Variants in UBE2D2 observed in about 807,000 individuals in gnomAD.
UBE2D2 encodes the protein ubiquitin conjugating enzyme E2 D2.
Under a neutral mutation model 24.2 loss-of-function variants are expected in UBE2D2, and 2 were observed. The ratio of observed to expected loss-of-function variants is 0.08; its 90% CI spans 0.03 to 0.26. The LOEUF (loss-of-function observed/expected upper bound fraction) is 0.26. UBE2D2 is among the 10% of genes least tolerant of loss of function. The pLI is 1.00. For missense variants in UBE2D2, 44 were observed against 177.6 expected (o/e 0.25, Z 4.28); for synonymous variants, 58 against 56.5 (o/e 1.03, Z -0.12).
At chr5:139,532,725 G>T (rs1752612126) in intron 1 of UBE2D2, among the ~76,000 whole-genome samples, 1 of 152,028 alleles carries the variant, frequency 6.6e-6, no homozygotes, top group Admixed American at 6.6e-5. Flanking sequence ...GACCTCAACG[G>T]ATCAGCCTGC....
intron 1 of UBE2D2, among the ~76,000 whole-genome samples, chr5:139,585,959 A>AAG (rs1554078563): frequency 6.6e-6 from 1 of 150,524 alleles, no homozygotes; most frequent in Non-Finnish European, 1.5e-5. Flanking sequence ...AAAAAAAAAA[A>AAG]AAGAAGAAAG....
At chr5:139,551,071 G>C (rs947238169) in intron 1 of UBE2D2, among the ~76,000 whole-genome samples, 3 of 152,228 alleles carry the variant, frequency 2.0e-5, no homozygotes, top group African/African-American at 4.8e-5. Context: ...GGCGGGGGAG[G>C]GGGGAGGTCA....
At chr5:139,615,411 G>C (rs1052823847) in intron 5 of UBE2D2, among the ~76,000 whole-genome samples, 2 of 152,124 alleles carry the variant, frequency 1.3e-5, no homozygotes, top group Admixed American at 6.5e-5. Context: ...TGTGAACCCG[G>C]GAGGCAGAGG....
At chr5:139,540,470 C>T (rs538154995) in intron 1 of UBE2D2, among the ~76,000 whole-genome samples, 116 of 144,060 alleles carry the variant, frequency 8.1e-4, no homozygotes, top group African/African-American at 2.8e-3. Context: ...GGCGTGAACC[C>T]GGGAGGTGGA....
chr5:139,537,075 C>T (rs1203454892), intron 1 of UBE2D2, among the ~76,000 whole-genome samples: 2 of 151,030 alleles, frequency 1.3e-5, no homozygotes, highest in Non-Finnish European at 2.9e-5. Context: ...CCCAGCTACT[C>T]GGGAGGCTGA....
At chr5:139,561,116 C>A (rs527890669), upstream of UBE2D2, 1 of 152,718 alleles carries the variant, frequency 6.5e-6, no homozygotes, top group South Asian at 2.1e-4. Context: ...GGTCGCGGCG[C>A]TGGAGCCTGC....
intron 1 of UBE2D2, among the ~76,000 whole-genome samples, chr5:139,589,974 CG>C (rs1424656677): frequency 7.9e-5 from 12 of 151,942 alleles, no homozygotes; most frequent in Non-Finnish European, 1.6e-4. Flanking sequence ...TTAGTAGAGA[CG>C]GGGTTTCACT....
intron 1 of UBE2D2, among the ~76,000 whole-genome samples, chr5:139,542,638 G>C (rs1752774960): frequency 6.6e-6 from 1 of 151,760 alleles, no homozygotes. Flanking sequence ...ACATAGTTTT[G>C]ACAAATAAAA....
chr5:139,622,850 G>A (rs1010430335), intron 5 of UBE2D2, among the ~76,000 whole-genome samples: 1 of 151,664 alleles, frequency 6.6e-6, no homozygotes, highest in African/African-American at 2.4e-5. Context: ...AGACCGCGCC[G>A]CGCCACTGCA....
intron 1 of UBE2D2, chr5:139,562,093 C>T (rs1479646561): frequency 2.1e-6 from 2 of 943,804 alleles, no homozygotes; most frequent in African/African-American, 3.3e-5. Context: ...TCTCTCCAGT[C>T]TGGGACTGCC....
At chr5:139,538,767 A>G (rs984309113) in intron 1 of UBE2D2, among the ~76,000 whole-genome samples, 9 of 151,894 alleles carry the variant, frequency 5.9e-5, no homozygotes, top group African/African-American at 1.9e-4. Context: ...CAGCTACTCC[A>G]GAGGCTGACG....
At chr5:139,594,102 A>T (rs888222302) in intron 1 of UBE2D2, among the ~76,000 whole-genome samples, 1 of 152,176 alleles carries the variant, frequency 6.6e-6, no homozygotes, top group Admixed American at 6.6e-5. Flanking sequence ...ACCTTACACC[A>T]TAGGGTGAGG....
intron 1 of UBE2D2, among the ~76,000 whole-genome samples, chr5:139,539,013 T>C (rs1362140335): frequency 4.6e-5 from 7 of 152,154 alleles, no homozygotes; most frequent in Admixed American, 4.6e-4. Context: ...GGGAATTACG[T>C]GACTGAGAAA....
At chr5:139,562,149 C>T (rs1753114804) in intron 1 of UBE2D2, 2 of 1,292,740 alleles carry the variant, frequency 1.5e-6, no homozygotes, top group Admixed American at 2.7e-5. Flanking sequence ...GGGGTTGGGG[C>T]CGAGGGGGGC....
intron 1 of UBE2D2, among the ~76,000 whole-genome samples, chr5:139,551,775 C>G (rs1271746336): frequency 6.6e-6 from 1 of 152,186 alleles, no homozygotes; most frequent in Non-Finnish European, 1.5e-5. Context: ...AGGCATGTGC[C>G]TAATCTGGGG....
chr5:139,547,697 T>C (rs1425798473), intron 1 of UBE2D2, among the ~76,000 whole-genome samples: 1 of 148,162 alleles, frequency 6.7e-6, no homozygotes, highest in African/African-American at 2.4e-5. Context: ...ATTTTATTTA[T>C]TTTTTTATTT....
intron 1 of UBE2D2, among the ~76,000 whole-genome samples, chr5:139,550,525 TGC>T (rs1491343269): frequency 1.3e-5 from 2 of 152,138 alleles, no homozygotes; most frequent in African/African-American, 4.8e-5. Flanking sequence ...GCAGGCTGCC[TGC>T]GCTAGTAGTG....
chr5:139,542,185 T>TCAA (rs1271992907), intron 1 of UBE2D2, among the ~76,000 whole-genome samples: 2 of 152,192 alleles, frequency 1.3e-5, no homozygotes, highest in African/African-American at 4.8e-5. Context: ...AGACTCCATC[T>TCAA]CAACAACAAC....
chr5:139,582,655 T>A lies in UBE2D2; in HGVS notation c.25-17717T>A, dbSNP rs986411214. Among the ~76,000 whole-genome samples the A allele has an allele frequency of 3.3e-5, 5 of 150,300 alleles. No individual in the cohort carries two copies. The South Asian group carries it at 1.0e-3, about 32-fold the overall frequency. Reference sequence around the variant, plus strand: ...GAAAAACTTTCAGATTTCGAAGCGATTTAGATTCGAATTTTTTTTTTTTTT... The same window carrying A: ...GAAAAACTTTCAGATTTCGAAGCGAATTAGATTCGAATTTTTTTTTTTTTT... On this transcript the variant is annotated intron_variant, in intron 1 of 6. Transcript: ENST00000398733.
Sources: allele counts gnomAD v4.1 joint callset (sites outside exome capture counted in the v4.1 genomes callset), GRCh38; gene constraint gnomAD v4.1.1; transcripts MANE v1.5; gene names NCBI Gene and HGNC (gene_info 2026-07-23, HGNC 2026-07-21).